The following ESRRG variants were observed in gnomAD, a reference collection of about 807,000 sequenced individuals.
The protein encoded by ESRRG is estrogen-related receptor gamma.
In ESRRG, 13 loss-of-function variants were observed where a neutral mutation model predicts 44.0. That is an observed-to-expected ratio of 0.30 (90% CI 0.19 to 0.47). The LOEUF (loss-of-function observed/expected upper bound fraction) is 0.47, where lower values mean the gene tolerates loss of function less well. ESRRG is among the 20% of genes least tolerant of loss of function. The pLI, the probability that ESRRG is intolerant of heterozygous loss-of-function variation, is 1.00. For missense variants in ESRRG, 395 were observed against 580.6 expected (o/e 0.68, Z 3.29); for synonymous variants, 215 against 214.6 (o/e 1.00, Z -0.02).
At chr1:216,793,477 C>T (rs1220567102) in intron 2 of ESRRG, among the ~76,000 whole-genome samples, 2 of 152,082 alleles carry the variant, frequency 1.3e-5, no homozygotes, top group African/African-American at 4.8e-5. Context: ...ATGAAGAGAT[C>T]CATATGGTGA....
At chr1:217,001,073 T>C (rs1052881939) in intron 1 of ESRRG, among the ~76,000 whole-genome samples, 3 of 152,216 alleles carry the variant, frequency 2.0e-5, no homozygotes, top group Non-Finnish European at 4.4e-5. Flanking sequence ...ACTTTAATAC[T>C]CCCAAGCTGC....
intron 1 of ESRRG, among the ~76,000 whole-genome samples, chr1:217,028,822 C>G (rs1286789390): frequency 6.6e-6 from 1 of 152,140 alleles, no homozygotes; most frequent in African/African-American, 2.4e-5. Flanking sequence ...TCTATCCTGC[C>G]TTGTACTTGC....
intron 2 of ESRRG, among the ~76,000 whole-genome samples, chr1:216,824,964 G>A (rs2095365328): frequency 6.6e-6 from 1 of 152,202 alleles, no homozygotes; most frequent in Non-Finnish European, 1.5e-5. Flanking sequence ...CTTGGAGACA[G>A]AGAATTCACT....
intron 1 of ESRRG, among the ~76,000 whole-genome samples, chr1:217,078,583 T>C (rs1255988007): frequency 1.3e-5 from 2 of 152,324 alleles, no homozygotes; most frequent in East Asian, 1.9e-4. Flanking sequence ...GCGCAGTCCC[T>C]GGGAAACCAC....
intron 1 of ESRRG, among the ~76,000 whole-genome samples, chr1:217,046,588 A>G (rs2084917122): frequency 6.6e-6 from 1 of 152,210 alleles, no homozygotes. Context: ...AGAATCACAC[A>G]GAATGGGATA....
At chr1:216,925,481 C>A (rs573204870) in intron 2 of ESRRG, among the ~76,000 whole-genome samples, 1 of 152,120 alleles carries the variant, frequency 6.6e-6, no homozygotes, top group African/African-American at 2.4e-5. Flanking sequence ...TTGAGACAAG[C>A]GAGACAGCAG....
intron 3 of ESRRG, among the ~76,000 whole-genome samples, chr1:216,649,346 C>G (rs143414143): frequency 1.3e-5 from 2 of 151,906 alleles, no homozygotes; most frequent in Non-Finnish European, 2.9e-5. Flanking sequence ...ATAAAAAGTA[C>G]CCCCATCCTC....
chr1:217,085,552 G>T lies in ESRRG; in HGVS notation c.-106+3955C>A, dbSNP rs531127491. On this transcript the variant is annotated intron_variant, in intron 1 of 7. Transcript: ENST00000359162. The stretch of plus-strand genomic sequence containing the variant: ...TGTCCCCAGGCTGAAGTGCAGTGGC[G>T]CCATCTCGGCTGACTGCTATCTCTA... Among the ~76,000 whole-genome samples, 186 of 125,840 alleles carry T rather than the reference G, an allele frequency of 1.5e-3. 1 individual carries two copies. Among genetic ancestry groups the T allele is most frequent in the Non-Finnish European group, 2.4e-3 (149 of 63,130 alleles). The allele number at this position is 125,840 out of a possible 152,430, so 82.6% of individuals were successfully genotyped here. A position where few individuals can be genotyped will look rare whatever the true frequency, so the allele number is the denominator to read the frequency against.
chr1:216,516,382 A>G (rs1044380426), intron 6 of ESRRG, among the ~76,000 whole-genome samples: 1 of 152,056 alleles, frequency 6.6e-6, no homozygotes, highest in Non-Finnish European at 1.5e-5. Flanking sequence ...GACAGAAACA[A>G]AGCTATAAAA....
At chr1:216,548,402 C>G (rs1189128632) in intron 5 of ESRRG, among the ~76,000 whole-genome samples, 1 of 152,016 alleles carries the variant, frequency 6.6e-6, no homozygotes. Context: ...TAGTATAATT[C>G]CTTAAAATTT....
At chr1:216,984,683 C>T (rs1364803284) in intron 1 of ESRRG, among the ~76,000 whole-genome samples, 5 of 152,150 alleles carry the variant, frequency 3.3e-5, no homozygotes, top group Admixed American at 2.6e-4. Context: ...AGGCTACATG[C>T]TAGAGAAGAG....
chr1:216,535,858 A>G (rs2050787326), intron 5 of ESRRG, among the ~76,000 whole-genome samples: 1 of 151,884 alleles, frequency 6.6e-6, no homozygotes, highest in African/African-American at 2.4e-5. Flanking sequence ...GCATCCCTTC[A>G]CCACGAAAAT....
chr1:217,120,708 C>T (rs2092807564), intron 1 of ESRRG, among the ~76,000 whole-genome samples: 1 of 152,102 alleles, frequency 6.6e-6, no homozygotes. Flanking sequence ...ACCACTGTTC[C>T]CTCTGCCTAC....
At chr1:217,092,784 C>A (rs2092368180), upstream of ESRRG, among the ~76,000 whole-genome samples, 1 of 152,194 alleles carries the variant, frequency 6.6e-6, no homozygotes, top group East Asian at 1.9e-4. Context: ...CATTAAATAC[C>A]TTCTGATGCA....
At chr1:216,939,718 A>G (rs374607081) in intron 1 of ESRRG, 1 of 5,680 alleles carries the variant, frequency 1.8e-4, no homozygotes, top group East Asian at 1.7e-3. Context: ...CCAAAAAAGG[A>G]AAAAAAAAAA....
At chr1:216,765,189 G>A (rs990576370) in intron 2 of ESRRG, among the ~76,000 whole-genome samples, 4 of 152,106 alleles carry the variant, frequency 2.6e-5, no homozygotes, top group African/African-American at 9.7e-5. Context: ...GCAGGTGGAA[G>A]ATGTCTGGCC....
chr1:216,625,502 A>G (rs2063045166), intron 3 of ESRRG, among the ~76,000 whole-genome samples: 1 of 149,744 alleles, frequency 6.7e-6, no homozygotes, highest in Non-Finnish European at 1.5e-5. Context: ...TGCTTTTCCT[A>G]TTTTCACCTG....
intron 1 of ESRRG, among the ~76,000 whole-genome samples, chr1:216,943,387 AT>A (rs1412218449): frequency 6.6e-6 from 1 of 152,190 alleles, no homozygotes; most frequent in Non-Finnish European, 1.5e-5. Flanking sequence ...TAGAAGGGGA[AT>A]TGCCTCTCTA....
chr1:217,085,869 A>C (rs890096405), intron 1 of ESRRG, among the ~76,000 whole-genome samples: 13 of 152,008 alleles, frequency 8.6e-5, no homozygotes. Context: ...CATAGAACTT[A>C]CTTATAATTC....
Sources: gnomAD v4.1 joint callset for allele counts (sites outside exome capture counted in the v4.1 genomes callset) on GRCh38, gnomAD v4.1.1 for gene constraint, MANE v1.5 for transcripts, NCBI Gene and HGNC (gene_info 2026-07-23, HGNC 2026-07-21) for gene names.